The following STIM2 variants were observed in gnomAD, a reference collection of about 807,000 sequenced individuals.
The protein encoded by STIM2 is stromal interaction molecule 2.
A neutral mutation model predicts 85.8 loss-of-function variants in STIM2; 31 were observed. That is an observed-to-expected ratio of 0.36 (90% CI 0.27 to 0.49). The LOEUF (loss-of-function observed/expected upper bound fraction) is 0.49, where lower values mean the gene tolerates loss of function less well. Ranked by LOEUF, STIM2 falls within the 20% of genes least tolerant of loss-of-function variation. The pLI is 0.98. For synonymous variants in STIM2, 356 were observed against 331.1 expected (o/e 1.08, Z -0.82); for missense variants, 841 against 927.6 (o/e 0.91, Z 1.21).
chr4:26,940,239 C>A (rs1378916216), intron 2 of STIM2, among the ~76,000 whole-genome samples: 1 of 152,140 alleles, frequency 6.6e-6, no homozygotes, highest in Non-Finnish European at 1.5e-5. Context: ...CCTGCTCTTG[C>A]CTTTCCTCCA....
intron 1 of STIM2, among the ~76,000 whole-genome samples, chr4:26,918,844 G>A (rs1724691110): frequency 6.6e-6 from 1 of 152,188 alleles, no homozygotes; most frequent in Non-Finnish European, 1.5e-5. Flanking sequence ...GGGTTGACCA[G>A]TAAATGTGTA....
At chr4:26,968,093 C>T (rs1471756494) in intron 3 of STIM2, among the ~76,000 whole-genome samples, 1 of 152,146 alleles carries the variant, frequency 6.6e-6, no homozygotes, top group African/African-American at 2.4e-5. Context: ...ATCACGTGTA[C>T]TCAGGAGGTC....
At chr4:26,888,766 A>G (rs1373105655) in intron 1 of STIM2, among the ~76,000 whole-genome samples, 1 of 152,242 alleles carries the variant, frequency 6.6e-6, no homozygotes, top group East Asian at 1.9e-4. Flanking sequence ...AGTAATTACA[A>G]GATCTCTTGT....
chr4:26,938,258 G>A (rs1725468220), intron 2 of STIM2, among the ~76,000 whole-genome samples: 2 of 151,528 alleles, frequency 1.3e-5, no homozygotes, highest in East Asian at 1.9e-4. Context: ...TATATGTAAG[G>A]TATATGATAT....
At chr4:26,960,381 A>G (rs1726403977) in intron 3 of STIM2, among the ~76,000 whole-genome samples, 1 of 152,034 alleles carries the variant, frequency 6.6e-6, no homozygotes, top group Non-Finnish European at 1.5e-5. Flanking sequence ...GTGTGTATGT[A>G]TATATATGTA....
At position 26,979,684 on chromosome 4, in the gene STIM2, T is replaced by C. The variant is rs78872194; in HGVS notation, c.398-15695T>C. On this transcript the variant is annotated intron_variant, in intron 3 of 11. Transcript: ENST00000467087. ...ACATATAAAGGCATCCAGATAATTA[T>C]CTAGGAGAGCATGCCTTTATGGAAT... Among the ~76,000 whole-genome samples, 663 of 152,314 alleles carry C rather than the reference T, an allele frequency of 4.4e-3. 4 individuals are homozygous for C. The highest frequency in any genetic ancestry group is 0.015 in the African/African-American group (636 of 41,558).
At chr4:26,918,699 A>G (rs1450801939) in intron 1 of STIM2, among the ~76,000 whole-genome samples, 8 of 152,200 alleles carry the variant, frequency 5.3e-5, no homozygotes, top group Admixed American at 5.2e-4. Context: ...ATTTTGGTAT[A>G]TAGGTTGTTA....
chr4:26,966,220 T>C (rs79098242), intron 3 of STIM2, among the ~76,000 whole-genome samples: 5,295 of 152,262 alleles, frequency 0.035, 303 homozygotes, highest in East Asian at 0.3. Context: ...GGACATCATA[T>C]TGTCCTTTCT....
intron 3 of STIM2, among the ~76,000 whole-genome samples, chr4:26,991,270 G>A (rs958363667): frequency 5.9e-5 from 9 of 152,010 alleles, no homozygotes; most frequent in East Asian, 1.9e-4. Flanking sequence ...ATAAAATCCC[G>A]TTATTTACAG....
At chr4:26,894,120 T>C (rs1181138835) in intron 1 of STIM2, among the ~76,000 whole-genome samples, 1 of 152,140 alleles carries the variant, frequency 6.6e-6, no homozygotes, top group Non-Finnish European at 1.5e-5. Context: ...AACTCCTGAC[T>C]TCGTGATCCA....
chr4:26,898,962 C>G (rs1723810873), intron 1 of STIM2, among the ~76,000 whole-genome samples: 2 of 150,886 alleles, frequency 1.3e-5, no homozygotes, highest in African/African-American at 2.4e-5. Context: ...TTTTTAATCC[C>G]AAGTCTTTAT....
intron 1 of STIM2, among the ~76,000 whole-genome samples, chr4:26,876,054 G>A (rs1722806677): frequency 6.6e-6 from 1 of 152,038 alleles, no homozygotes; most frequent in South Asian, 2.1e-4. Flanking sequence ...CCAGTCCATG[G>A]AAAAGCTAGA....
chr4:26,890,211 G>A (rs1376944579), intron 1 of STIM2, among the ~76,000 whole-genome samples: 1 of 151,854 alleles, frequency 6.6e-6, no homozygotes, highest in Non-Finnish European at 1.5e-5. Flanking sequence ...TTTTTTCTTC[G>A]GTCAACTGAT....
At chr4:26,879,932 G>A (rs568559892) in intron 1 of STIM2, among the ~76,000 whole-genome samples, 2 of 152,020 alleles carry the variant, frequency 1.3e-5, no homozygotes, top group Non-Finnish European at 2.9e-5. Flanking sequence ...CCATCACTCT[G>A]GTCTGGGCTA....
chr4:26,894,817 CT>C (rs1167995798), intron 1 of STIM2, among the ~76,000 whole-genome samples: 1 of 152,164 alleles, frequency 6.6e-6, no homozygotes, highest in Non-Finnish European at 1.5e-5. Flanking sequence ...GCTTGTGAAG[CT>C]GCATGGAAAA....
chr4:26,894,712 T>C (rs1255331668), intron 1 of STIM2, among the ~76,000 whole-genome samples: 1 of 152,236 alleles, frequency 6.6e-6, no homozygotes, highest in Non-Finnish European at 1.5e-5. Flanking sequence ...TGTCATCTTA[T>C]ATGTCTTAAT....
At chr4:27,004,650 C>A (rs1440868253) in intron 7 of STIM2, among the ~76,000 whole-genome samples, 1 of 152,162 alleles carries the variant, frequency 6.6e-6, no homozygotes, top group Non-Finnish European at 1.5e-5. Flanking sequence ...TGTGGACATT[C>A]TAACTTGAAG....
In STIM2 at chr4:26,980,161, C is replaced by A. The variant is rs141169068; in HGVS notation, c.398-15218C>A. ...GTAGACTAAAGGCATGTATAAATTA[C>A]AAATAGGTCTTATATTTGTCTTATA... On this transcript the variant is annotated intron_variant, in intron 3 of 11. Coordinates refer to ENST00000467087, the MANE Select transcript of STIM2 (RefSeq NM_020860.4). Among the ~76,000 whole-genome samples the A allele has an allele frequency of 2.7e-4, 41 of 152,232 alleles. No individual in the cohort carries two copies. In the South Asian group the frequency reaches 3.5e-3, roughly 13 times the overall value.
chr4:26,974,493 A>G (rs1341642462), intron 3 of STIM2, among the ~76,000 whole-genome samples: 1 of 152,162 alleles, frequency 6.6e-6, no homozygotes, highest in East Asian at 1.9e-4. Flanking sequence ...TCCTTCAGTT[A>G]TGAAGCTTAG....
Sources: gnomAD v4.1 joint callset for allele counts (sites outside exome capture counted in the v4.1 genomes callset) on GRCh38, gnomAD v4.1.1 for gene constraint, MANE v1.5 for transcripts, NCBI Gene and HGNC (gene_info 2026-07-23, HGNC 2026-07-21) for gene names.